Variants in EDIL3 observed in about 807,000 individuals in gnomAD.
EDIL3 encodes EGF like and discoidin domains 3.
EDIL3 carries 37 observed loss-of-function variants against 67.4 expected under a neutral mutation model. The observed-to-expected ratio is 0.55, with a 90% CI of 0.42 to 0.72. The LOEUF is 0.72. EDIL3 is among the 30% of genes least tolerant of loss of function. The pLI is 0.00. For missense variants in EDIL3, 527 were observed against 586.3 expected (o/e 0.90, Z 1.04); for synonymous variants, 195 against 196.3 (o/e 0.99, Z 0.05).
intron 10 of EDIL3, among the ~76,000 whole-genome samples, chr5:83,951,900 T>C (rs924391078): frequency 6.6e-6 from 1 of 151,764 alleles, no homozygotes; most frequent in African/African-American, 2.4e-5. Flanking sequence ...TATCAACTTG[T>C]CTATTACTGG....
chr5:84,363,918 G>A (rs1034731678), intron 1 of EDIL3, among the ~76,000 whole-genome samples: 2 of 152,044 alleles, frequency 1.3e-5, no homozygotes, highest in South Asian at 2.1e-4. Context: ...TTTGATCATC[G>A]CTTGGGTTCT....
At chr5:84,116,661 A>G (rs566377792) in intron 5 of EDIL3, among the ~76,000 whole-genome samples, 9 of 152,346 alleles carry the variant, frequency 5.9e-5, no homozygotes, top group Non-Finnish European at 2.9e-5. Context: ...AATTGCCACA[A>G]ATGTTTTAAA....
chr5:84,264,342 T>C (rs1386465576), intron 1 of EDIL3, among the ~76,000 whole-genome samples: 2 of 152,122 alleles, frequency 1.3e-5, no homozygotes, highest in African/African-American at 4.8e-5. Context: ...TTGAGAAGGA[T>C]AGAAGGTAAC....
intron 9 of EDIL3, among the ~76,000 whole-genome samples, chr5:84,052,402 T>A (rs532479644): frequency 6.6e-6 from 1 of 152,128 alleles, no homozygotes; most frequent in South Asian, 2.1e-4. Context: ...CTGCATCAAC[T>A]AATGAGCAAA....
At chr5:84,251,106 T>G (rs2112072316) in intron 2 of EDIL3, among the ~76,000 whole-genome samples, 1 of 152,244 alleles carries the variant, frequency 6.6e-6, no homozygotes, top group South Asian at 2.1e-4. Context: ...TTTATTTTTA[T>G]TTTTATTTAT....
At chr5:84,129,302 T>C (rs1006142275) in intron 5 of EDIL3, among the ~76,000 whole-genome samples, 6 of 152,084 alleles carry the variant, frequency 3.9e-5, no homozygotes, top group African/African-American at 7.2e-5. Context: ...GAGTTCTGGA[T>C]TTTTTTAACT....
chr5:84,223,205 G>A (rs920677396), intron 3 of EDIL3, among the ~76,000 whole-genome samples: 1 of 151,554 alleles, frequency 6.6e-6, no homozygotes, highest in Non-Finnish European at 1.5e-5. Flanking sequence ...AATGTAATCT[G>A]GTGCAGCCAT....
chr5:84,272,066 C>T (rs1745481928), intron 1 of EDIL3, among the ~76,000 whole-genome samples: 1 of 152,162 alleles, frequency 6.6e-6, no homozygotes, highest in South Asian at 2.1e-4. Flanking sequence ...AAGAGGAATG[C>T]AAGCATATGC....
intron 1 of EDIL3, among the ~76,000 whole-genome samples, chr5:84,298,777 T>C (rs1746098930): frequency 6.6e-6 from 1 of 152,172 alleles, no homozygotes; most frequent in Non-Finnish European, 1.5e-5. Context: ...CCTCTCAAAT[T>C]GAACAAAATT....
At chr5:84,035,350 C>T (rs1372979254) in intron 9 of EDIL3, among the ~76,000 whole-genome samples, 3 of 152,132 alleles carry the variant, frequency 2.0e-5, no homozygotes, top group East Asian at 1.9e-4. Flanking sequence ...ATTGCACAAA[C>T]TTTTCAGTTT....
At chr5:84,218,073 C>T (rs951260176) in intron 3 of EDIL3, among the ~76,000 whole-genome samples, 3 of 152,114 alleles carry the variant, frequency 2.0e-5, no homozygotes, top group Non-Finnish European at 2.9e-5. Context: ...TATCTTTCAA[C>T]ATTATAACAG....
At chr5:84,105,798 G>T (rs1472022501) in intron 6 of EDIL3, among the ~76,000 whole-genome samples, 2 of 151,964 alleles carry the variant, frequency 1.3e-5, no homozygotes, top group Non-Finnish European at 2.9e-5. Flanking sequence ...CTGTTCCCTG[G>T]ATGTTCAGTC....
At chr5:84,262,659 G>GTTTTTGTTTTTTTTTTTTTTTTT (rs1745251015) in intron 1 of EDIL3, among the ~76,000 whole-genome samples, 1 of 46,310 alleles carries the variant, frequency 2.2e-5, no homozygotes, top group African/African-American at 8.7e-5. Flanking sequence ...AGGTTGGTTG[G>GTTTTTGTTTTTTTTTTTTTTTTT]TTTTTTTTTT....
chr5:84,025,001 C>A (rs1392516026), intron 9 of EDIL3, among the ~76,000 whole-genome samples: 1 of 151,944 alleles, frequency 6.6e-6, no homozygotes, highest in African/African-American at 2.4e-5. Context: ...CTTTGGAACT[C>A]CAACTTTTAG....
chr5:84,376,195 AGAT>A (rs1346047051), intron 1 of EDIL3, among the ~76,000 whole-genome samples: 3 of 152,194 alleles, frequency 2.0e-5, no homozygotes, highest in African/African-American at 7.2e-5. Flanking sequence ...TGAGAATTAA[AGAT>A]GATAATTAGA....
intron 1 of EDIL3, among the ~76,000 whole-genome samples, chr5:84,256,530 G>C (rs925638057): frequency 1.3e-5 from 2 of 152,102 alleles, no homozygotes; most frequent in Admixed American, 6.6e-5. Context: ...CTCATTCCAG[G>C]AACTTCAGGT....
intron 1 of EDIL3, among the ~76,000 whole-genome samples, chr5:84,257,782 A>T (rs1361748320): frequency 6.6e-6 from 1 of 152,212 alleles, no homozygotes; most frequent in Non-Finnish European, 1.5e-5. Context: ...GAAGGTTAAT[A>T]CTATATTTCA....
chr5:84,133,210 T>C (rs966198123), intron 5 of EDIL3, among the ~76,000 whole-genome samples: 3 of 152,172 alleles, frequency 2.0e-5, no homozygotes, highest in South Asian at 4.1e-4. Context: ...CATGTTCAGT[T>C]AAATTTACAT....
intron 4 of EDIL3, among the ~76,000 whole-genome samples, chr5:84,164,087 T>A: frequency 6.6e-6 from 1 of 152,228 alleles, no homozygotes; most frequent in Non-Finnish European, 1.5e-5. Context: ...CAGATACAAC[T>A]GAGAGGGATC....
Sources: allele counts gnomAD v4.1 joint callset (sites outside exome capture counted in the v4.1 genomes callset), GRCh38; gene constraint gnomAD v4.1.1; transcripts MANE v1.5; gene names NCBI Gene and HGNC (gene_info 2026-07-23, HGNC 2026-07-21).